Variants in PRICKLE2 observed in about 807,000 individuals in gnomAD.
The protein encoded by PRICKLE2 is prickle-like protein 2.
A neutral mutation model predicts 81.4 loss-of-function variants in PRICKLE2; 21 were observed. The ratio of observed to expected loss-of-function variants is 0.26; its 90% CI spans 0.18 to 0.37. The LOEUF (loss-of-function observed/expected upper bound fraction) is 0.37, where lower values mean the gene tolerates loss of function less well. PRICKLE2 is among the 10% of genes least tolerant of loss of function. The pLI is 1.00. For synonymous variants in PRICKLE2, 456 were observed against 421.5 expected (o/e 1.08, Z -1.00); for missense variants, 940 against 1,109.0 (o/e 0.85, Z 2.16).
intron 7 of PRICKLE2, among the ~76,000 whole-genome samples, chr3:64,129,869 T>A (rs2077172767): frequency 6.6e-6 from 1 of 152,198 alleles, no homozygotes; most frequent in Non-Finnish European, 1.5e-5. Flanking sequence ...TGGCAGTCAG[T>A]GGACCCAGCT....
At chr3:64,235,534 C>A (rs191322449) in intron 2 of PRICKLE2, among the ~76,000 whole-genome samples, 8 of 152,228 alleles carry the variant, frequency 5.3e-5, no homozygotes, top group South Asian at 4.1e-4. Context: ...ACCCTGCCCC[C>A]CTTCTGGAGC....
At chr3:64,205,098 C>T (rs1219134439) in intron 1 of PRICKLE2, among the ~76,000 whole-genome samples, 1 of 57,304 alleles carries the variant, frequency 1.7e-5, no homozygotes, top group East Asian at 5.1e-4. Flanking sequence ...AGCAGGATTT[C>T]GTTAAAAAAA....
At position 64,099,968 on chromosome 3, in the gene PRICKLE2, G is replaced by C. The variant is rs762326686; in HGVS notation, c.1661-43C>G. 1.3e-6 allele frequency: 2 copies of C among 1,593,376 alleles called. No individual in the cohort carries two copies. Among genetic ancestry groups the C allele is most frequent in the South Asian group, 2.2e-5 (2 of 90,576 alleles). On this transcript the variant is annotated intron_variant, in intron 7 of 7. Transcript: ENST00000638394. The surrounding 1 kb of genome is among the most constrained non-coding windows in gnomAD (Gnocchi z 4.3). ...GGACCACAGAGATTAATACAGATGT[G>C]CAGCAATGGGTATCACTGTCACTGC...
chr3:64,245,619 AAGTAT>A (rs1267646928), intron 2 of PRICKLE2, among the ~76,000 whole-genome samples: 1 of 152,180 alleles, frequency 6.6e-6, no homozygotes, highest in Non-Finnish European at 1.5e-5. Context: ...CAGGCAATGT[AAGTAT>A]TCCTGTCTGG....
chr3:64,121,254 A>G (rs2077022369), intron 7 of PRICKLE2, among the ~76,000 whole-genome samples: 1 of 152,214 alleles, frequency 6.6e-6, no homozygotes, highest in Admixed American at 6.5e-5. Context: ...TTATGCAAAA[A>G]AACGATTGGG....
intron 3 of PRICKLE2, among the ~76,000 whole-genome samples, chr3:64,161,192 G>T (rs1559548768): frequency 1.3e-5 from 2 of 152,126 alleles, no homozygotes; most frequent in Non-Finnish European, 2.9e-5. Flanking sequence ...CTATCACAAG[G>T]AATACAATAC....
chr3:64,224,580 G>C (rs993056835), intron 1 of PRICKLE2, among the ~76,000 whole-genome samples: 2 of 152,132 alleles, frequency 1.3e-5, no homozygotes, highest in African/African-American at 4.8e-5. Flanking sequence ...ACGCTATCAG[G>C]TATTTGGTCT....
intron 7 of PRICKLE2, among the ~76,000 whole-genome samples, chr3:64,108,813 A>G (rs1250038849): frequency 6.6e-6 from 1 of 152,162 alleles, no homozygotes; most frequent in Non-Finnish European, 1.5e-5. Flanking sequence ...ACTCTAATTC[A>G]GGGTTTCCCA....
chr3:64,217,447 A>G (rs1283034664), intron 1 of PRICKLE2, among the ~76,000 whole-genome samples: 1 of 152,202 alleles, frequency 6.6e-6, no homozygotes, highest in Non-Finnish European at 1.5e-5. Context: ...TGTACATTGT[A>G]CCCATTAAGT....
chr3:64,109,748 C>G (rs1042059716), intron 7 of PRICKLE2, among the ~76,000 whole-genome samples: 2 of 152,180 alleles, frequency 1.3e-5, no homozygotes, highest in Non-Finnish European at 2.9e-5. Flanking sequence ...ATGGACTGAT[C>G]TTGGTTTTCC....
At chr3:64,232,006 A>G (rs1277424956) in intron 2 of PRICKLE2, among the ~76,000 whole-genome samples, 1 of 152,248 alleles carries the variant, frequency 6.6e-6, no homozygotes, top group African/African-American at 2.4e-5. Flanking sequence ...TGTGGGAAAT[A>G]ATGTGTTATT....
intron 2 of PRICKLE2, among the ~76,000 whole-genome samples, chr3:64,257,162 G>A (rs2079538312): frequency 6.6e-6 from 1 of 152,202 alleles, no homozygotes; most frequent in South Asian, 2.1e-4. Flanking sequence ...GTTGAAGCAT[G>A]AGTTTCAGCC....
At chr3:64,134,104 C>T (rs1256293936) in intron 7 of PRICKLE2, among the ~76,000 whole-genome samples, 1 of 152,166 alleles carries the variant, frequency 6.6e-6, no homozygotes, top group Non-Finnish European at 1.5e-5. Context: ...ACGCATGTTA[C>T]CCCACACCAC....
chr3:64,237,717 ACCGGGGGGCCCCAC>A (rs991412940), intron 2 of PRICKLE2, among the ~76,000 whole-genome samples: 138 of 152,196 alleles, frequency 9.1e-4, no homozygotes, highest in African/African-American at 2.9e-3. Flanking sequence ...GTAGGGCTTC[ACCGGGGGGCCCCAC>A]CCTTTTCTGC....
At chr3:64,223,709 A>T (rs574845112) in intron 1 of PRICKLE2, among the ~76,000 whole-genome samples, 1 of 152,150 alleles carries the variant, frequency 6.6e-6, no homozygotes, top group South Asian at 2.1e-4. Flanking sequence ...TTAAAATCCA[A>T]ATTTCCAAAA....
chr3:64,135,046 A>C (rs1295311591), intron 7 of PRICKLE2, among the ~76,000 whole-genome samples: 1 of 152,212 alleles, frequency 6.6e-6, no homozygotes, highest in Admixed American at 6.5e-5. Context: ...TCTCACCAAA[A>C]GCTCAATGTC....
chr3:64,197,234 T>C, intron 2 of PRICKLE2, among the ~76,000 whole-genome samples: 2 of 152,350 alleles, frequency 1.3e-5, no homozygotes, highest in South Asian at 2.1e-4. Flanking sequence ...TGTGCATGTG[T>C]CTTTACAATA....
At chr3:64,176,816 C>G (rs969129040) in intron 2 of PRICKLE2, among the ~76,000 whole-genome samples, 1 of 152,140 alleles carries the variant, frequency 6.6e-6, no homozygotes, top group East Asian at 1.9e-4. Context: ...CTTGCCTTGC[C>G]CACTAAGTTT....
intron 1 of PRICKLE2, among the ~76,000 whole-genome samples, chr3:64,201,656 T>C (rs915001976): frequency 3.9e-5 from 6 of 152,238 alleles, no homozygotes; most frequent in Admixed American, 6.5e-5. Flanking sequence ...TTATCAGATA[T>C]GTGATAGGAA....
Sources: gnomAD v4.1 joint callset for allele counts (sites outside exome capture counted in the v4.1 genomes callset) on GRCh38, gnomAD v4.1.1 for gene constraint, Gnocchi (gnomAD v3.1) non-coding constraint, MANE v1.5 for transcripts, NCBI Gene and HGNC (gene_info 2026-07-23, HGNC 2026-07-21) for gene names.